TRIP11: variants seen among roughly 807,000 people sequenced by gnomAD.
The protein encoded by TRIP11 is thyroid receptor-interacting protein 11.
TRIP11 carries 148 observed loss-of-function variants against 223.1 expected under a neutral mutation model. That is an observed-to-expected ratio of 0.66 (90% CI 0.58 to 0.76). TRIP11 has a LOEUF of 0.76. Ranked by LOEUF, TRIP11 falls within the 30% of genes least tolerant of loss-of-function variation. The probability of loss-of-function intolerance (pLI) is 0.00; values close to 1 mark genes in which losing one functional copy is unlikely to be tolerated. For synonymous variants in TRIP11, 762 were observed against 772.6 expected, an observed-to-expected ratio of 0.99 and a Z score of 0.23; for missense variants, 2,043 against 2,222.0, an observed-to-expected ratio of 0.92 and a Z score of 1.62.
chr14:92,034,282 G>T (rs1008212719), intron 1 of TRIP11, among the ~76,000 whole-genome samples: 1 of 152,098 alleles, frequency 6.6e-6, no homozygotes, highest in Non-Finnish European at 1.5e-5. Context: ...AATTAGCCGG[G>T]TGTGGTGGCA....
At chr14:92,022,369 TAGATA>T (rs1337543747) in intron 3 of TRIP11, among the ~76,000 whole-genome samples, 1 of 152,174 alleles carries the variant, frequency 6.6e-6, no homozygotes, top group African/African-American at 2.4e-5. Flanking sequence ...CCAATCTTTT[TAGATA>T]AGATAACAGT....
chr14:92,018,876 G>C (rs761419976), intron 4 of TRIP11, among the ~76,000 whole-genome samples: 1 of 145,080 alleles, frequency 6.9e-6, no homozygotes, highest in African/African-American at 2.5e-5. Context: ...CAGGAGAATT[G>C]CTTGAACCTG....
chr14:91,996,787 T>A (rs921535183), intron 13 of TRIP11, among the ~76,000 whole-genome samples: 1 of 152,182 alleles, frequency 6.6e-6, no homozygotes, highest in Non-Finnish European at 1.5e-5. Context: ...CTCTGAATAT[T>A]AGTTATCTTT....
At chr14:91,981,888 A>C (rs532252358) in intron 16 of TRIP11, among the ~76,000 whole-genome samples, 1 of 152,214 alleles carries the variant, frequency 6.6e-6, no homozygotes, top group African/African-American at 2.4e-5. Flanking sequence ...GCCAAGGCAG[A>C]AGGATCATTT....
chr14:91,999,102 C>T (rs2056787734), intron 13 of TRIP11, 138 bp downstream of exon 13: 2 of 1,015,498 alleles, frequency 2.0e-6, no homozygotes, highest in Admixed American at 4.5e-5. Flanking sequence ...TATTTAATCT[C>T]TTTACCTTCA....
chr14:91,981,174 C>T (rs981323963), intron 16 of TRIP11, among the ~76,000 whole-genome samples: 2 of 150,760 alleles, frequency 1.3e-5, no homozygotes, highest in African/African-American at 4.9e-5. Flanking sequence ...TGCCACCACG[C>T]CTGGCTAATT....
In TRIP11 at chr14:92,005,365, G is replaced by A. The variant is rs999557873; in HGVS notation, c.2611C>T (p.Arg871Ter). The A allele has an allele frequency of 7.4e-6, 12 of 1,614,010 alleles. No individual in the cohort carries two copies. Among genetic ancestry groups the A allele is most frequent in the East Asian group, 4.5e-5 (2 of 44,900 alleles). The part of the protein sequence containing the change: ...ENNHLQEELE[R>*]LREEQSRTAP... ...GTTCGACTCTGCTCTTCCCTGAGTC[G>A]TTCCAATTCTTCTTGCAGATGATTA... The change falls in exon 11 of 21, where the codon CGA becomes TGA. Residue 871 changes from arginine (R) to a stop codon, truncating the protein, a stop_gained. Coordinates refer to ENST00000267622, the MANE Select transcript of TRIP11 (RefSeq NM_004239.4). LOFTEE classifies it high-confidence loss of function.
Position 92,037,982 on chromosome 14 carries a change from A to T in TRIP11, c.139+1565T>A, listed in dbSNP as rs917610961. On this transcript the variant is annotated intron_variant, in intron 1 of 20. Coordinates refer to ENST00000267622, the MANE Select transcript of TRIP11 (RefSeq NM_004239.4). This position sits in a 1 kb window ranked among gnomAD's most constrained non-coding sequence, Gnocchi z 4.2. ...CAATAGAAAATGGACTGGGGTAGGG[A>T]GAAATGGGTGACAGGACATGAAAGA... Among the ~76,000 whole-genome samples, 3 of 152,336 alleles carry T rather than the reference A, an allele frequency of 2.0e-5. No individual in the cohort carries two copies. The highest frequency in any genetic ancestry group is 2.1e-4 in the South Asian group (1 of 4,826).
At chr14:92,015,516 G>A (rs1023411114) in intron 6 of TRIP11, among the ~76,000 whole-genome samples, 180 bp downstream of exon 6, 5 of 151,906 alleles carry the variant, frequency 3.3e-5, no homozygotes. Context: ...AAAATTAGCT[G>A]GGCATGGTGG....
intron 4 of TRIP11, 136 bp downstream of exon 4, chr14:92,021,420 G>T: frequency 9.9e-4 from 662 of 669,148 alleles, no homozygotes; most frequent in Non-Finnish European, 1.5e-3. Context: ...GAAAGTCACT[G>T]ACGGAATTAG....
In TRIP11 at chr14:92,039,561, G is replaced by T; in HGVS notation, c.125C>A (p.Thr42Lys). ...NFTKDMLMEG[T>K]EEVEAELPDS... The stretch of plus-strand genomic sequence containing the variant: ...CCAGCTGTTACCTTCCACTTCCTCC[G>T]TGCCCTCCATCAGCATATCCTTTGT... The change falls in exon 1 of 21, where the codon ACG becomes AAG. Residue 42 changes from threonine (T) to lysine (K), a missense_variant. Coordinates refer to ENST00000267622, the MANE Select transcript of TRIP11 (RefSeq NM_004239.4). 2.5e-6 allele frequency: 4 copies of T among 1,613,724 alleles called. No homozygotes were observed. Among genetic ancestry groups the T allele is most frequent in the Non-Finnish European group, 3.4e-6 (4 of 1,179,882 alleles).
rs2056442790 is a variant in TRIP11 at position 91,974,724 on chromosome 14, C to T, written c.5477G>A (p.Gly1826Asp). Residue 1826 changes from glycine to aspartate, a missense_variant, in exon 19 of 21, where the codon GGC (glycine) becomes GAC (aspartate). Gly to Asp is a moderately conservative substitution (Grantham distance 94, BLOSUM62 -1). Transcript: ENST00000267622. ...EMEQLFHDDQ[G>D]GVTRWMTGWL... ...CCCAGTCATCCACCTGGTAACACCG[C>T]CCTGATCGTCATGAAACAACTGAAA... 6.2e-7 allele frequency: 1 copy of T among 1,612,740 alleles called. No homozygotes were observed. The highest frequency in any genetic ancestry group is 1.1e-5 in the South Asian group (1 of 90,984).
intron 4 of TRIP11, among the ~76,000 whole-genome samples, chr14:92,018,138 A>G (rs1032074854): frequency 6.7e-6 from 1 of 148,740 alleles, no homozygotes; most frequent in African/African-American, 2.5e-5. Flanking sequence ...TCTGTCACTC[A>G]GGCTGGAATG....
chr14:92,023,941 C>T (rs961088922), intron 3 of TRIP11, among the ~76,000 whole-genome samples: 6 of 151,602 alleles, frequency 4.0e-5, no homozygotes, highest in Admixed American at 6.6e-5. Context: ...CTACAACCAC[C>T]GCCTCCCAGG....
At chr14:91,985,715 A>C (rs991264673) in intron 16 of TRIP11, among the ~76,000 whole-genome samples, 3 of 152,204 alleles carry the variant, frequency 2.0e-5, no homozygotes, top group African/African-American at 7.2e-5. Context: ...GTCTTTTTCA[A>C]AATTGTTTCT....
Position 91,969,784 on chromosome 14 carries a change from G to A in TRIP11, c.5829C>T (p.Pro1943=), listed in dbSNP as rs748903681. 31 of 1,614,030 alleles carry A rather than the reference G, an allele frequency of 1.9e-5. No individual in the cohort carries two copies. In the Middle Eastern group the frequency reaches 9.9e-4, roughly 52 times the overall value. Residue 1943 remains proline (P), a synonymous_variant, in exon 21 of 21, where the codon CCC becomes CCT. Coordinates refer to ENST00000267622, the MANE Select transcript of TRIP11 (RefSeq NM_004239.4). ...INPAGLGPGG[P]GHLLLKPISD... is the part of the protein sequence containing the mutation. ...AGATGGGTTTCAGAAGAAGATGCCCGGGCCCACCAGGTCCAAGTCCAGCTG... is the reference window on the plus strand; with the variant it reads ...AGATGGGTTTCAGAAGAAGATGCCCAGGCCCACCAGGTCCAAGTCCAGCTG...
chr14:91,994,307 C>A (rs868343872), intron 14 of TRIP11, among the ~76,000 whole-genome samples: 2 of 146,030 alleles, frequency 1.4e-5, no homozygotes, highest in Middle Eastern at 3.7e-3. Flanking sequence ...GTCACCCAGG[C>A]TGGAGTGCAG....
Position 92,014,478 on chromosome 14 carries a change from AT to A in TRIP11, c.922del (p.Met308TrpfsTer8), listed in dbSNP as rs780178406. The A allele has an allele frequency of 1.9e-6, 3 of 1,595,810 alleles. No individual in the cohort carries two copies. Among genetic ancestry groups the A allele is most frequent in the Non-Finnish European group, 2.6e-6 (3 of 1,174,530 alleles). Reference protein sequence around the residue: ...QIEKVESTKKMEQLEDKIKDI... With the variant: ...QIEKVESTKKXEQLEDKIKDI... ...TTTTATTTTATCCTCAAGTTGTTCC[AT>A]TTTTTTGGTAGACTCCACTTTTTCT... On this transcript the variant is annotated frameshift_variant, in exon 7 of 21. Coordinates refer to ENST00000267622, the MANE Select transcript of TRIP11 (RefSeq NM_004239.4). LOFTEE classifies it high-confidence loss of function.
intron 16 of TRIP11, among the ~76,000 whole-genome samples, chr14:91,983,365 A>G (rs568252859): frequency 1.3e-5 from 2 of 152,386 alleles, no homozygotes; most frequent in East Asian, 1.9e-4. Context: ...GGAAAAGAGA[A>G]TATCTGCAAA....
Sources: gnomAD v4.1 joint callset for allele counts (sites outside exome capture counted in the v4.1 genomes callset) on GRCh38, gnomAD v4.1.1 for gene constraint, Gnocchi (gnomAD v3.1) non-coding constraint, MANE v1.5 for transcripts, NCBI Gene and HGNC (gene_info 2026-07-23, HGNC 2026-07-21) for gene names.